PTPRE: variants seen among roughly 807,000 people sequenced by gnomAD.
PTPRE encodes the protein protein tyrosine phosphatase receptor type E.
A neutral mutation model predicts 102.0 loss-of-function variants in PTPRE; 51 were observed. The observed-to-expected ratio is 0.50, with a 90% CI of 0.40 to 0.63. The LOEUF is 0.63. Ranked by LOEUF, PTPRE falls within the 30% of genes least tolerant of loss-of-function variation. PTPRE has a pLI of 0.00. For synonymous variants in PTPRE, 345 were observed against 348.2 expected (o/e 0.99, Z 0.10); for missense variants, 752 against 915.1 (o/e 0.82, Z 2.30).
At chr10:127,986,380 G>T in intron 2 of PTPRE, among the ~76,000 whole-genome samples, 1 of 152,304 alleles carries the variant, frequency 6.6e-6, no homozygotes, top group Non-Finnish European at 1.5e-5. Context: ...TATCGTTAAG[G>T]TTTAAATATT....
chr10:128,026,178 C>G (rs1424227696), intron 2 of PTPRE, among the ~76,000 whole-genome samples: 1 of 152,196 alleles, frequency 6.6e-6, no homozygotes. Flanking sequence ...CTTCCTCCCT[C>G]AAACCCCCAG....
chr10:128,063,884 A>T (rs1327948482), intron 10 of PTPRE, among the ~76,000 whole-genome samples: 1 of 152,126 alleles, frequency 6.6e-6, no homozygotes, highest in Non-Finnish European at 1.5e-5. Context: ...ATAGGCAGTG[A>T]GCTCACTCTC....
chr10:128,003,586 A>T (rs1854198517), intron 2 of PTPRE, among the ~76,000 whole-genome samples: 1 of 152,206 alleles, frequency 6.6e-6, no homozygotes, highest in Non-Finnish European at 1.5e-5. Flanking sequence ...ATAGCTAGAA[A>T]ATTCAGAGGA....
chr10:127,969,100 A>G (rs1273710425), intron 1 of PTPRE, among the ~76,000 whole-genome samples: 4 of 152,272 alleles, frequency 2.6e-5, no homozygotes, highest in Admixed American at 1.3e-4. Context: ...GCATGTATCA[A>G]TCCTTTAAAA....
rs1364946394 is a variant in PTPRE, at chr10:128,082,773, GATTA to G, written c.2029-56_2029-53del. 8.0e-6 allele frequency: 12 copies of G among 1,505,438 alleles called. No homozygotes were observed. The African/African-American group carries it at 1.2e-4, about 15-fold the overall frequency. 93.3% of individuals were successfully genotyped at this position (1,505,438 alleles called of 1,614,324 possible). A position where few individuals can be genotyped will look rare whatever the true frequency, so the allele number is the denominator to read the frequency against. On this transcript the variant is annotated intron_variant, in intron 20 of 20. Transcript: ENST00000254667. The stretch of plus-strand genomic sequence containing the variant: ...TGTCTTGTTTTTGAGTATTTCTCCT[GATTA>G]ATCAAATATATTTTTGGGAATATCA...
intron 2 of PTPRE, among the ~76,000 whole-genome samples, chr10:128,040,098 A>T (rs1847551517): frequency 6.6e-6 from 1 of 152,078 alleles, no homozygotes; most frequent in East Asian, 1.9e-4. Context: ...ATCCCAGGGT[A>T]CTCAATTGGC....
At chr10:127,967,277 G>A (rs1705506504) in intron 1 of PTPRE, among the ~76,000 whole-genome samples, 1 of 152,142 alleles carries the variant, frequency 6.6e-6, no homozygotes, top group African/African-American at 2.4e-5. Flanking sequence ...CTATGATTTT[G>A]CAAATTGCTA....
At chr10:127,967,769 C>A (rs541101147) in intron 1 of PTPRE, among the ~76,000 whole-genome samples, 1 of 152,316 alleles carries the variant, frequency 6.6e-6, no homozygotes, top group African/African-American at 2.4e-5. Context: ...CCCATTCCCC[C>A]AGCCCAATCC....
intron 1 of PTPRE, among the ~76,000 whole-genome samples, chr10:127,933,748 A>C (rs913040332): frequency 2.0e-5 from 3 of 152,114 alleles, no homozygotes; most frequent in Non-Finnish European, 4.4e-5. Context: ...GTCCAGGGTG[A>C]CCTCTCTTAG....
intron 7 of PTPRE, among the ~76,000 whole-genome samples, chr10:128,056,510 C>T (rs892044549): frequency 1.3e-5 from 2 of 152,194 alleles, no homozygotes; most frequent in Admixed American, 6.5e-5. Context: ...CCATGGGTGC[C>T]AGCTGGCAGG....
intron 18 of PTPRE, 76 bp from the exon 19 acceptor site, chr10:128,077,541 C>A: frequency 3.3e-6 from 5 of 1,519,178 alleles, no homozygotes; most frequent in Non-Finnish European, 4.4e-6. Flanking sequence ...CTTGGCCAAT[C>A]CCTGAGAGGG....
At chr10:127,951,910 C>T (rs189404113) in intron 1 of PTPRE, among the ~76,000 whole-genome samples, 5 of 152,304 alleles carry the variant, frequency 3.3e-5, no homozygotes, top group South Asian at 2.1e-4. Flanking sequence ...CAAGTGGTGA[C>T]GCCAATTGCA....
chr10:128,079,788 G>T, intron 20 of PTPRE, 93 bp downstream of exon 20: 1 of 1,442,446 alleles, frequency 6.9e-7, no homozygotes, highest in Non-Finnish European at 9.4e-7. Context: ...TAAGTACATG[G>T]GGGAGGTGGG....
At chr10:127,976,936 A>G (rs983348926) in intron 1 of PTPRE, among the ~76,000 whole-genome samples, 1 of 152,262 alleles carries the variant, frequency 6.6e-6, no homozygotes, top group Non-Finnish European at 1.5e-5. Context: ...GTTGTCCGAT[A>G]GAATGCAGAG....
intron 11 of PTPRE, among the ~76,000 whole-genome samples, chr10:128,067,006 A>AC (rs1225142084): frequency 2.7e-5 from 4 of 150,244 alleles, no homozygotes; most frequent in Non-Finnish European, 5.9e-5. Flanking sequence ...ACACACGTAC[A>AC]CCTACCCACA....
At chr10:128,036,557 T>C (rs1660461822) in intron 2 of PTPRE, among the ~76,000 whole-genome samples, 1 of 152,082 alleles carries the variant, frequency 6.6e-6, no homozygotes, top group African/African-American at 2.4e-5. Context: ...AAATCATCCT[T>C]ATCCCCACCC....
rs1264187464 is a variant in PTPRE at position 128,083,108 on chromosome 10, A to G, written c.*202A>G. Reference sequence around the variant, plus strand: ...TGGAATAATGTATTAAGGTCAAATAATATCCCATAAAATATATATTTCTGC... The same window carrying G: ...TGGAATAATGTATTAAGGTCAAATAGTATCCCATAAAATATATATTTCTGC... On this transcript the variant is annotated 3_prime_UTR_variant, in exon 21 of 21. Transcript: ENST00000254667. The G allele has an allele frequency of 8.2e-6, 3 of 366,366 alleles. No individual in the cohort carries two copies. Among genetic ancestry groups the G allele is most frequent in the Non-Finnish European group, 1.4e-5 (3 of 210,588 alleles). The allele number at this position is 366,366 out of a possible 1,614,324, so 22.7% of individuals were successfully genotyped here.
At chr10:128,069,513 G>A (rs1204052169) in intron 12 of PTPRE, 179 bp from the exon 13 acceptor site, 2 of 753,502 alleles carry the variant, frequency 2.7e-6, no homozygotes, top group East Asian at 5.2e-5. Flanking sequence ...GGACCGGCCT[G>A]AGATCACTTT....
chr10:127,930,599 A>G (rs973699153), intron 1 of PTPRE, among the ~76,000 whole-genome samples: 3 of 152,304 alleles, frequency 2.0e-5, no homozygotes, highest in African/African-American at 4.8e-5. Context: ...GTTTTTGCAT[A>G]AACCTAGGTT....
Sources: allele counts gnomAD v4.1 joint callset (sites outside exome capture counted in the v4.1 genomes callset), GRCh38; gene constraint gnomAD v4.1.1; transcripts MANE v1.5; gene names NCBI Gene and HGNC (gene_info 2026-07-23, HGNC 2026-07-21).